Variants in TLE4 observed in about 807,000 individuals in gnomAD.
The protein encoded by TLE4 is transducin-like enhancer protein 4.
A neutral mutation model predicts 92.8 loss-of-function variants in TLE4; 8 were observed. That is an observed-to-expected ratio of 0.09 (90% CI 0.05 to 0.16). The LOEUF (loss-of-function observed/expected upper bound fraction) is 0.16. Ranked by LOEUF, TLE4 falls within the 10% of genes least tolerant of loss-of-function variation. The pLI is 1.00. For missense variants in TLE4, 675 were observed against 997.6 expected (o/e 0.68, Z 4.36); for synonymous variants, 371 against 374.1 (o/e 0.99, Z 0.10).
rs61112339 is a variant in TLE4, at chr9:79,720,246, C to T, written c.1791C>T (p.Ser597=). The T allele has an allele frequency of 5.9e-4, 959 of 1,614,086 alleles. 6 individuals carry two copies. The African/African-American group carries it at 7.9e-3, about 13-fold the overall frequency. The part of the protein sequence containing the change: ...PDSKVCFSCC[S]DGNIAVWDLH... ...CCAAGGTCTGCTTCTCATGCTGCAG[C>T]GACGGCAACATCGCTGTGTGGGATC... The change falls in exon 16 of 20, where the codon AGC becomes AGT. Residue 597 remains serine (S), a synonymous_variant. Transcript: ENST00000376552.
chr9:79,651,933 G>A (rs964129463), intron 6 of TLE4, among the ~76,000 whole-genome samples: 1 of 152,112 alleles, frequency 6.6e-6, no homozygotes, highest in Non-Finnish European at 1.5e-5. Context: ...ATGTATGATA[G>A]CGAGGCCTTA....
At chr9:79,722,743 T>C in intron 18 of TLE4, 142 bp downstream of exon 18, 1 of 1,104,832 alleles carries the variant, frequency 9.1e-7, no homozygotes, top group Non-Finnish European at 1.3e-6. Context: ...CATGCCTGCT[T>C]CCCCAACACC....
chr9:79,604,799 C>T (rs1420529854), intron 4 of TLE4, among the ~76,000 whole-genome samples: 1 of 152,016 alleles, frequency 6.6e-6, no homozygotes, highest in African/African-American at 2.4e-5. Flanking sequence ...ATCCAAAATT[C>T]CTTTGTCTTT....
At chr9:79,706,662 T>C in intron 10 of TLE4, 85 bp from the exon 11 acceptor site, 1 of 1,499,826 alleles carries the variant, frequency 6.7e-7, no homozygotes, top group South Asian at 1.3e-5. Flanking sequence ...CATTAAATGC[T>C]TTTGGCTAGA....
chr9:79,722,669 T>C, intron 18 of TLE4, 68 bp downstream of exon 18: 1 of 1,570,684 alleles, frequency 6.4e-7, no homozygotes, highest in Non-Finnish European at 8.7e-7. Context: ...TGTGTTTTTA[T>C]TTCCAAGTCG....
At chr9:79,643,248 A>G (rs2057507201) in intron 6 of TLE4, among the ~76,000 whole-genome samples, 2 of 152,212 alleles carry the variant, frequency 1.3e-5, no homozygotes, top group Non-Finnish European at 2.9e-5. Flanking sequence ...ATACAAATAC[A>G]TGTGCACTTT....
intron 8 of TLE4, among the ~76,000 whole-genome samples, chr9:79,692,371 T>C (rs1019314262): frequency 6.6e-6 from 1 of 152,162 alleles, no homozygotes; most frequent in Non-Finnish European, 1.5e-5. Context: ...CTTGAAAAAG[T>C]GTCCATTACC....
chr9:79,659,192 G>A (rs539322837), intron 8 of TLE4, among the ~76,000 whole-genome samples: 5 of 152,160 alleles, frequency 3.3e-5, no homozygotes, highest in Admixed American at 6.5e-5. Context: ...AAAGCTCTTT[G>A]GGTAACCCAG....
At chr9:79,666,113 A>G (rs2061343551) in intron 8 of TLE4, among the ~76,000 whole-genome samples, 1 of 150,802 alleles carries the variant, frequency 6.6e-6, no homozygotes, top group South Asian at 2.1e-4. Context: ...GGCTAGAGTG[A>G]GAAGCAGGAA....
chr9:79,626,718 T>C (rs1475177248), intron 5 of TLE4, among the ~76,000 whole-genome samples: 3 of 152,154 alleles, frequency 2.0e-5, no homozygotes, highest in Non-Finnish European at 4.4e-5. Flanking sequence ...CGTCCTAGTT[T>C]TTCTAAGAAA....
chr9:79,677,220 C>T (rs2063429842), intron 8 of TLE4, among the ~76,000 whole-genome samples: 1 of 152,094 alleles, frequency 6.6e-6, no homozygotes, highest in Non-Finnish European at 1.5e-5. Context: ...ACTCAATTCT[C>T]AGTAAATGTA....
intron 8 of TLE4, among the ~76,000 whole-genome samples, chr9:79,661,458 A>G (rs1222999802): frequency 6.6e-6 from 1 of 152,172 alleles, no homozygotes; most frequent in Non-Finnish European, 1.5e-5. Context: ...GTAATTTTGG[A>G]CTTAGAGAGT....
At chr9:79,633,003 T>G (rs1254918438) in intron 6 of TLE4, among the ~76,000 whole-genome samples, 2 of 152,178 alleles carry the variant, frequency 1.3e-5, no homozygotes, top group African/African-American at 4.8e-5. Context: ...TACATCACAT[T>G]CTTTCTTCTT....
chr9:79,684,095 A>G (rs1401470255), intron 8 of TLE4, among the ~76,000 whole-genome samples: 2 of 152,218 alleles, frequency 1.3e-5, no homozygotes, highest in South Asian at 2.1e-4. Flanking sequence ...ATTTATTCCT[A>G]TAATGCATAT....
At chr9:79,709,587 T>C (rs1314481450) in intron 13 of TLE4, 36 bp from the exon 14 acceptor site, 2 of 1,586,404 alleles carry the variant, frequency 1.3e-6, no homozygotes, top group African/African-American at 1.3e-5. Context: ...AATGTAACTG[T>C]GCTTATTTCT....
rs934549334 is a variant in TLE4, at chr9:79,572,500, C to T, written c.-291C>T. 1 of 154,172 alleles carries T rather than the reference C, an allele frequency of 6.5e-6. No homozygotes were observed. The highest frequency in any genetic ancestry group is 2.4e-5 in the African/African-American group (1 of 41,228). 9.6% of individuals were successfully genotyped at this position (154,172 alleles called of 1,614,324 possible). On this transcript the variant is annotated 5_prime_UTR_variant, in exon 1 of 20. Transcript: ENST00000376552. ...GCGGCGCCGGGCTCGGCGGGTGCGCCTCGGCGGAGCGAACGTCGGAGCGTT... is the reference window on the plus strand; with the variant it reads ...GCGGCGCCGGGCTCGGCGGGTGCGCTTCGGCGGAGCGAACGTCGGAGCGTT...
At chr9:79,705,394 G>C (rs927369975) in intron 9 of TLE4, among the ~76,000 whole-genome samples, 2 of 152,336 alleles carry the variant, frequency 1.3e-5, no homozygotes, top group Non-Finnish European at 2.9e-5. Context: ...GGAGTGAGAT[G>C]GGGGAGCAAG....
chr9:79,717,537 A>C (rs368822430), intron 14 of TLE4, among the ~76,000 whole-genome samples: 3 of 152,328 alleles, frequency 2.0e-5, no homozygotes, highest in African/African-American at 7.2e-5. Flanking sequence ...TTCCACAGCC[A>C]CAATGCATGC....
chr9:79,702,795 C>T (rs1161391698), intron 8 of TLE4, among the ~76,000 whole-genome samples: 1 of 152,190 alleles, frequency 6.6e-6, no homozygotes, highest in Non-Finnish European at 1.5e-5. Flanking sequence ...ACCAAACTCC[C>T]ACCTGCACAT....
Sources: allele counts gnomAD v4.1 joint callset (sites outside exome capture counted in the v4.1 genomes callset), GRCh38; gene constraint gnomAD v4.1.1; transcripts MANE v1.5; gene names NCBI Gene and HGNC (gene_info 2026-07-23, HGNC 2026-07-21).